ATP11C: variants seen among roughly 807,000 people sequenced by gnomAD.
ATP11C encodes the protein ATPase phospholipid transporting 11C (ATP11C blood group), also known as phospholipid-transporting ATPase IG.
A neutral mutation model predicts 97.4 loss-of-function variants in ATP11C; 36 were observed. The ratio of observed to expected loss-of-function variants is 0.37; its 90% CI spans 0.28 to 0.49. The LOEUF (loss-of-function observed/expected upper bound fraction) is 0.49. Among genes scored for constraint, ATP11C ranks in the 20% least tolerant of loss-of-function variants. ATP11C has a pLI of 0.98. For synonymous variants in ATP11C, 275 were observed against 290.9 expected (o/e 0.95, Z 0.56); for missense variants, 730 against 824.6 (o/e 0.89, Z 1.40).
rs1207819833 is a variant in ATP11C at position 139,791,033 on chromosome X, A to G, written c.1207-1545T>C. ...AAATTATGGGCTGATAGGAACAAGC[A>G]TAAGGACAAGATTAAGGTTTTTATT... On this transcript the variant is annotated intron_variant, in intron 12 of 29. Coordinates refer to ENST00000682941, the MANE Select transcript of ATP11C (RefSeq NM_001353812.2). 2.7e-5 allele frequency among the ~76,000 whole-genome samples: 3 copies of G among 111,896 alleles called. No homozygotes were observed. In the Admixed American group the frequency reaches 2.9e-4, roughly 11 times the overall value.
At chrX:139,792,959 C>T (rs370019355) in intron 12 of ATP11C, among the ~76,000 whole-genome samples, 1 of 111,888 alleles carries the variant, frequency 8.9e-6, no homozygotes, top group African/African-American at 3.3e-5. Context: ...CAACTTAAAG[C>T]TGGTCGATCA....
At chrX:139,788,390 C>G in intron 13 of ATP11C, 47 bp from the exon 14 acceptor site, 2 of 1,080,089 alleles carry the variant, frequency 1.9e-6, no homozygotes, top group Non-Finnish European at 2.6e-6. Context: ...AATTTGATCA[C>G]CCGGTAACTA....
intron 4 of ATP11C, among the ~76,000 whole-genome samples, chrX:139,816,260 CA>C (rs2083286285): frequency 8.9e-6 from 1 of 111,772 alleles, no homozygotes; most frequent in Admixed American, 9.5e-5. Context: ...TGGACTGACA[CA>C]AAACATGATT....
At chrX:139,877,286 GAAGTT>G (rs1425580325) in intron 1 of ATP11C, among the ~76,000 whole-genome samples, 1 of 112,254 alleles carries the variant, frequency 8.9e-6, no homozygotes, top group Non-Finnish European at 1.9e-5. Flanking sequence ...ACCTCAAAGG[GAAGTT>G]AAGAAGTAGC....
At chrX:139,934,613 C>A (rs1433005018), upstream of ATP11C, among the ~76,000 whole-genome samples, 6 of 96,928 alleles carry the variant, frequency 6.2e-5, no homozygotes, top group African/African-American at 2.4e-4. Flanking sequence ...AGTGCAGTGG[C>A]GCGATCTTGG....
At chrX:139,826,632 T>C in intron 2 of ATP11C, 72 bp downstream of exon 2, 2 of 987,987 alleles carry the variant, frequency 2.0e-6, no homozygotes, top group Non-Finnish European at 1.4e-6. Flanking sequence ...ATCAGTTTCC[T>C]CAGAAGCACA....
intron 1 of ATP11C, among the ~76,000 whole-genome samples, chrX:139,911,337 G>A (rs1462295588): frequency 9.0e-6 from 1 of 111,660 alleles, no homozygotes; most frequent in Non-Finnish European, 1.9e-5. Context: ...TAGATAAGGA[G>A]AGAAACATAA....
intron 25 of ATP11C, among the ~76,000 whole-genome samples, chrX:139,744,382 CAT>C (rs1485597344): frequency 8.9e-6 from 1 of 111,970 alleles, no homozygotes. Flanking sequence ...GGGATGGTGA[CAT>C]ATACAGTAAA....
intron 1 of ATP11C, among the ~76,000 whole-genome samples, chrX:139,925,268 G>GT (rs776739915): frequency 8.9e-6 from 1 of 112,063 alleles, no homozygotes; most frequent in East Asian, 2.8e-4. Flanking sequence ...CCAGGAATCT[G>GT]TATTTATAGT....
intron 6 of ATP11C, among the ~76,000 whole-genome samples, chrX:139,803,990 C>T (rs1033337969): frequency 9.1e-6 from 1 of 110,286 alleles, no homozygotes; most frequent in Non-Finnish European, 1.9e-5. Context: ...CGTGAGCCAC[C>T]GCACCCAGCC....
intron 23 of ATP11C, 128 bp downstream of exon 23, chrX:139,757,680 T>C: frequency 2.6e-6 from 1 of 391,430 alleles, no homozygotes; most frequent in African/African-American, 2.5e-5. Context: ...AAACATTTGC[T>C]GTTGTCAAAA....
At chrX:139,916,553 C>T (rs746946361) in intron 1 of ATP11C, among the ~76,000 whole-genome samples, 13 of 110,891 alleles carry the variant, frequency 1.2e-4, no homozygotes, top group African/African-American at 4.3e-4. Flanking sequence ...AACATGAGAA[C>T]CTGGCATTGT....
intron 26 of ATP11C, among the ~76,000 whole-genome samples, chrX:139,742,872 AAAAAATAT>A (rs1429298159): frequency 2.7e-3 from 65 of 24,209 alleles, no homozygotes; most frequent in Admixed American, 0.013. Context: ...ATTAAAAAAA[AAAAAATAT>A]ATATATATAT....
rs186051854 is a variant in ATP11C, at chrX:139,857,866, G to A, written c.28-31043C>T. Reference sequence around the variant, plus strand: ...TATGTGAGAAGGACATGGGTTTCAGGGCCTCAGGAACAGAAAGTTATGGTT... The same window carrying A: ...TATGTGAGAAGGACATGGGTTTCAGAGCCTCAGGAACAGAAAGTTATGGTT... On this transcript the variant is annotated intron_variant, in intron 1 of 29. Transcript: ENST00000682941. Among the ~76,000 whole-genome samples, 217 of 111,748 alleles carry A rather than the reference G, an allele frequency of 1.9e-3. 1 individual carries two copies. The Middle Eastern group carries it at 0.032, about 17-fold the overall frequency.
At chrX:139,738,402 T>C (rs1287113366) in intron 27 of ATP11C, among the ~76,000 whole-genome samples, 3 of 112,172 alleles carry the variant, frequency 2.7e-5, no homozygotes, top group African/African-American at 6.5e-5. Flanking sequence ...GGTTCATTTT[T>C]ATCCTAACAA....
At chrX:139,859,898 G>A (rs1217877710) in intron 1 of ATP11C, among the ~76,000 whole-genome samples, 1 of 81,889 alleles carries the variant, frequency 1.2e-5, no homozygotes, top group African/African-American at 1.0e-4. Context: ...TCAGGAGATC[G>A]AGACCATCCC....
chrX:139,884,069 T>C (rs1470006841), intron 1 of ATP11C, among the ~76,000 whole-genome samples: 1 of 112,041 alleles, frequency 8.9e-6, no homozygotes, highest in East Asian at 2.8e-4. Flanking sequence ...TTTTCATGTG[T>C]CAAGCAGCAC....
chrX:139,733,954 A>G (rs931280829), intron 28 of ATP11C, among the ~76,000 whole-genome samples: 3 of 111,541 alleles, frequency 2.7e-5, no homozygotes, highest in Non-Finnish European at 5.7e-5. Context: ...TGATATAGCT[A>G]GCAACCGGCA....
chrX:139,874,531 A>C (rs756513415), intron 1 of ATP11C, among the ~76,000 whole-genome samples: 42 of 112,289 alleles, frequency 3.7e-4, no homozygotes, highest in African/African-American at 1.3e-3. Flanking sequence ...TTTTGGCAAA[A>C]GTGCAAGAGG....
Sources: gnomAD v4.1 joint callset for allele counts (sites outside exome capture counted in the v4.1 genomes callset) on GRCh38, gnomAD v4.1.1 for gene constraint, MANE v1.5 for transcripts, NCBI Gene and HGNC (gene_info 2026-07-23, HGNC 2026-07-21) for gene names.